STAC: variants seen among roughly 807,000 people sequenced by gnomAD.
STAC encodes SH3 and cysteine-rich domain-containing protein.
Under a neutral mutation model 48.8 loss-of-function variants are expected in STAC, and 43 were observed. That is an observed-to-expected ratio of 0.88 (90% CI 0.69 to 1.14). STAC has a LOEUF of 1.14. Ranked by LOEUF, STAC falls within the 50% of genes most tolerant of loss-of-function variation. The probability of loss-of-function intolerance (pLI) is 0.00; values close to 1 mark genes in which losing one functional copy is unlikely to be tolerated. For missense variants in STAC, 497 were observed against 504.0 expected, an observed-to-expected ratio of 0.99 and a Z score of 0.13; for synonymous variants, 193 against 179.5, an observed-to-expected ratio of 1.07 and a Z score of -0.60.
At chr3:36,531,510 T>C (rs1699063897) in intron 10 of STAC, among the ~76,000 whole-genome samples, 1 of 152,148 alleles carries the variant, frequency 6.6e-6, no homozygotes, top group Non-Finnish European at 1.5e-5. Context: ...AGACAGGGCC[T>C]GAAGCCCTGT....
chr3:36,413,794 C>A, intron 1 of STAC, among the ~76,000 whole-genome samples: 1 of 152,102 alleles, frequency 6.6e-6, no homozygotes, highest in East Asian at 1.9e-4. Context: ...ATTTGGCATG[C>A]TTTTGCAGTG....
intron 5 of STAC, among the ~76,000 whole-genome samples, chr3:36,492,618 C>A (rs1262682297): frequency 1.3e-5 from 2 of 152,068 alleles, no homozygotes; most frequent in African/African-American, 4.8e-5. Flanking sequence ...ATTTCTGTAA[C>A]CTAAGTGGAA....
At chr3:36,462,174 T>C (rs1241775024) in intron 2 of STAC, among the ~76,000 whole-genome samples, 1 of 152,120 alleles carries the variant, frequency 6.6e-6, no homozygotes, top group Non-Finnish European at 1.5e-5. Context: ...ATGGGGATGC[T>C]TCCAAGGTTT....
chr3:36,492,032 ATATATATAT>A (rs1289148087), intron 5 of STAC, among the ~76,000 whole-genome samples: 20 of 10,526 alleles, frequency 1.9e-3, no homozygotes, highest in East Asian at 7.9e-3. Flanking sequence ...AAAAAAAAAA[ATATATATAT>A]ATATATATAT....
intron 5 of STAC, among the ~76,000 whole-genome samples, chr3:36,487,056 T>C (rs1697833543): frequency 6.6e-6 from 1 of 152,178 alleles, no homozygotes; most frequent in Non-Finnish European, 1.5e-5. Flanking sequence ...AGCCTTCAAA[T>C]GGTCTGCCCC....
chr3:36,391,397 C>T (rs992343749), intron 1 of STAC, among the ~76,000 whole-genome samples: 1 of 152,134 alleles, frequency 6.6e-6, no homozygotes, highest in Non-Finnish European at 1.5e-5. Context: ...TTTCATCCAC[C>T]AGCTGAAAAC....
Position 36,485,342 on chromosome 3 carries a change from G to A in STAC, c.571+284G>A, listed in dbSNP as rs114543411. Among the ~76,000 whole-genome samples the A allele has an allele frequency of 6.2e-3, 950 of 152,274 alleles. 7 individuals are homozygous for A. The highest frequency in any genetic ancestry group is 0.01 in the Non-Finnish European group (685 of 68,028). On this transcript the variant is annotated intron_variant, in intron 4 of 10. Coordinates refer to ENST00000273183, the MANE Select transcript of STAC (RefSeq NM_003149.3). ...CAGCATGGTGGAGTGGAAAGAACAC[G>A]GAGAATGGCTTCCCCCAGACCAGGC...
At chr3:36,544,846 T>A (rs949463954) in intron 10 of STAC, among the ~76,000 whole-genome samples, 2 of 152,180 alleles carry the variant, frequency 1.3e-5, no homozygotes, top group African/African-American at 4.8e-5. Flanking sequence ...CATCCACTAC[T>A]CTTACAAATT....
intron 1 of STAC, among the ~76,000 whole-genome samples, chr3:36,398,048 C>T (rs980794542): frequency 2.6e-5 from 4 of 152,072 alleles, no homozygotes; most frequent in African/African-American, 9.7e-5. Context: ...TCCTGGCTCT[C>T]AATTGGACCT....
At chr3:36,423,702 CAT>C (rs1304415756) in intron 1 of STAC, among the ~76,000 whole-genome samples, 2 of 151,890 alleles carry the variant, frequency 1.3e-5, no homozygotes, top group Non-Finnish European at 2.9e-5. Context: ...TTTTGTTTAC[CAT>C]GTGTGTATCA....
chr3:36,498,255 G>A (rs1424324880), intron 6 of STAC, among the ~76,000 whole-genome samples: 2 of 152,066 alleles, frequency 1.3e-5, no homozygotes, highest in Non-Finnish European at 1.5e-5. Flanking sequence ...ATAGAACTTC[G>A]AGAATTTTTT....
Position 36,404,179 on chromosome 3 carries a change from A to T in STAC, c.111+23425A>T, listed in dbSNP as rs1575177869. 2.0e-5 allele frequency among the ~76,000 whole-genome samples: 3 copies of T among 152,334 alleles called. No individual in the cohort carries two copies. In the South Asian group the frequency reaches 6.2e-4, roughly 32 times the overall value. On this transcript the variant is annotated intron_variant, in intron 1 of 10. Transcript: ENST00000273183. ...AGATCTAAACAAATGGAAAAACATG[A>T]CATTTAGATGAGAAGACTCAATATT...
chr3:36,396,766 A>G (rs1699865459), intron 1 of STAC, among the ~76,000 whole-genome samples: 1 of 152,188 alleles, frequency 6.6e-6, no homozygotes, highest in Non-Finnish European at 1.5e-5. Context: ...TCGTTTTTAT[A>G]ATTTCCTTCT....
intron 1 of STAC, among the ~76,000 whole-genome samples, chr3:36,387,582 A>G (rs1450176671): frequency 1.3e-5 from 2 of 152,144 alleles, no homozygotes; most frequent in Admixed American, 1.3e-4. Flanking sequence ...GAGAAATCAT[A>G]TAATATTTGT....
At chr3:36,469,185 G>C (rs1697258915) in intron 2 of STAC, among the ~76,000 whole-genome samples, 1 of 151,980 alleles carries the variant, frequency 6.6e-6, no homozygotes, top group South Asian at 2.1e-4. Context: ...TATAGGTCCT[G>C]TGAGATTTAT....
At chr3:36,455,760 G>GGTGTGTGTGT (rs71085125) in intron 2 of STAC, among the ~76,000 whole-genome samples, 86 of 149,260 alleles carry the variant, frequency 5.8e-4, no homozygotes, top group African/African-American at 2.0e-3. Context: ...GAAACAGGCA[G>GGTGTGTGTGT]GTGTGTGTGT....
Position 36,443,498 on chromosome 3 carries a change from C to G in STAC, c.246C>G (p.Ser82Arg), listed in dbSNP as rs1696418166. 4.3e-6 allele frequency: 7 copies of G among 1,614,136 alleles called. No individual in the cohort carries two copies. The highest frequency in any genetic ancestry group is 1.7e-5 in the Admixed American group (1 of 60,014). ...QAHMVAEISPSSSPLPAPGSL... is the reference protein window; with the variant it reads ...QAHMVAEISPRSSPLPAPGSL... ...ACATGGTGGCTGAGATCAGCCCCAG[C>G]TCCAGCCCACTCCCTGCTCCAGGAA... Residue 82 changes from serine to arginine, a missense_variant, in exon 2 of 11, where the codon AGC (serine) becomes AGG (arginine). By Grantham distance (110) the Ser-to-Arg change is moderately radical. Transcript: ENST00000273183. The surrounding 1 kb of genome is among the most constrained non-coding windows in gnomAD (Gnocchi z 4.2).
intron 1 of STAC, among the ~76,000 whole-genome samples, chr3:36,394,977 A>G (rs571530988): frequency 1.3e-3 from 192 of 151,728 alleles, no homozygotes; most frequent in African/African-American, 3.9e-3. Flanking sequence ...GAGAGAGATA[A>G]CTCAGGAATG....
At chr3:36,463,628 A>G (rs1022491578) in intron 2 of STAC, among the ~76,000 whole-genome samples, 6 of 150,398 alleles carry the variant, frequency 4.0e-5, no homozygotes, top group African/African-American at 1.5e-4. Flanking sequence ...CTCGTCATTC[A>G]ACATTAGGTA....
Sources: allele counts gnomAD v4.1 joint callset (sites outside exome capture counted in the v4.1 genomes callset), GRCh38; gene constraint gnomAD v4.1.1; non-coding constraint Gnocchi (gnomAD v3.1); transcripts MANE v1.5; gene names NCBI Gene and HGNC (gene_info 2026-07-23, HGNC 2026-07-21).